The following CXCL1 variants were observed in gnomAD, a reference collection of about 807,000 sequenced individuals.
CXCL1 encodes the protein C-X-C motif chemokine ligand 1, also known as growth-regulated alpha protein.
CXCL1 carries 9 observed loss-of-function variants against 11.7 expected under a neutral mutation model. That is an observed-to-expected ratio of 0.77 (90% CI 0.46 to 1.34). The LOEUF (loss-of-function observed/expected upper bound fraction) is 1.34. Ranked by LOEUF, CXCL1 falls within the 40% of genes most tolerant of loss-of-function variation. CXCL1 has a pLI of 0.00. For synonymous variants in CXCL1, 78 were observed against 59.1 expected (o/e 1.32, Z -1.47); for missense variants, 146 against 138.1 (o/e 1.06, Z -0.29).
Position 73,869,975 on chromosome 4 carries a change from A to G in CXCL1, c.294A>G (p.Glu98=), listed in dbSNP as rs752313297. Residue 98 remains glutamate (E), a synonymous_variant, in exon 3 of 4, where the codon GAA becomes GAG. Transcript: ENST00000395761. ...CCCCCATAGTTAAGAAAATCATCGAAAAGATGCTGAACAGGTGAGTTATGG... is the reference window on the plus strand; with the variant it reads ...CCCCCATAGTTAAGAAAATCATCGAGAAGATGCTGAACAGGTGAGTTATGG... ...PASPIVKKII[E]KMLNSDKSN 6.2e-7 allele frequency: 1 copy of G among 1,614,186 alleles called. No individual in the cohort carries two copies. Among genetic ancestry groups the G allele is most frequent in the South Asian group, 1.1e-5 (1 of 91,080 alleles).
chr4:73,870,192 C>A, intron 3 of CXCL1: 1 of 655,212 alleles, frequency 1.5e-6, no homozygotes, highest in Non-Finnish European at 2.6e-6. Flanking sequence ...GGCGTCCCCA[C>A]CCTGGTTCTT....
In CXCL1 at chr4:73,869,957, A is replaced by G. The variant is rs776106343; in HGVS notation, c.276A>G (p.Ile92Met). The change falls in exon 3 of 4, where the codon ATA (isoleucine) becomes ATG (methionine). Residue 92 changes from isoleucine to methionine, a missense_variant. By Grantham distance (10) the Ile-to-Met change is conservative (BLOSUM62 1). Coordinates refer to ENST00000395761, the MANE Select transcript of CXCL1 (RefSeq NM_001511.4). The part of the protein sequence containing the change: ...RKACLNPASP[I>M]VKKIIEKMLN... ...CTTGCCTCAATCCTGCATCCCCCAT[A>G]GTTAAGAAAATCATCGAAAAGATGC... 7 of 1,614,162 alleles carry G rather than the reference A, an allele frequency of 4.3e-6. No homozygotes were observed. In the East Asian group the frequency reaches 6.7e-5, roughly 15 times the overall value.
rs1054597920 is a variant in CXCL1, at chr4:73,871,226, A to G, written c.*690A>G. On this transcript the variant is annotated 3_prime_UTR_variant, in exon 4 of 4. Coordinates refer to ENST00000395761, the MANE Select transcript of CXCL1 (RefSeq NM_001511.4). ...GTTTTCATAGAGAATATAAAAATAA[A>G]GCACTTATAGAAAAAACTCGTTTGA... 1.3e-5 allele frequency: 2 copies of G among 152,248 alleles called. No homozygotes were observed. Among genetic ancestry groups the G allele is most frequent in the South Asian group, 2.1e-4 (1 of 4,834 alleles). 9.4% of individuals were successfully genotyped at this position (152,248 alleles called of 1,614,324 possible).
rs1257378672 is a variant in CXCL1, at chr4:73,870,663, C to T, written c.*127C>T. On this transcript the variant is annotated 3_prime_UTR_variant, in exon 4 of 4. Coordinates refer to ENST00000395761, the MANE Select transcript of CXCL1 (RefSeq NM_001511.4). ...GATTGTGCCTAATGTGTTTGAGCAT[C>T]GCTTAGGAGAAGTCTTCTATTTATT... 6 of 1,011,152 alleles carry T rather than the reference C, an allele frequency of 5.9e-6. No homozygotes were observed. The South Asian group carries it at 6.3e-5, about 11-fold the overall frequency. 62.6% of individuals were successfully genotyped at this position (1,011,152 alleles called of 1,614,324 possible).
At chr4:73,870,427 A>G (rs4074) in intron 3 of CXCL1, 94 bp from the exon 4 acceptor site, 906,470 of 1,529,930 alleles carry the variant, frequency 0.59, 281,115 homozygotes, top group Non-Finnish European at 0.64. Flanking sequence ...TGCATTCGGA[A>G]AACTCTAGAG....
intron 1 of CXCL1, 39 bp downstream of exon 1, chr4:73,869,609 G>T: frequency 6.8e-6 from 11 of 1,613,262 alleles, no homozygotes; most frequent in Non-Finnish European, 9.3e-6. Flanking sequence ...GCCGGACGCG[G>T]CTGGGGTAGG....
At chr4:73,869,834 C>T (rs1433543110) in intron 2 of CXCL1, 42 bp downstream of exon 2, 1 of 1,613,688 alleles carries the variant, frequency 6.2e-7, no homozygotes, top group East Asian at 2.2e-5. Flanking sequence ...GCCGGGGTCC[C>T]AGACCCTCCT....
intron 1 of CXCL1, 43 bp downstream of exon 1, chr4:73,869,613 G>C (rs1731890801): frequency 1.2e-6 from 2 of 1,613,444 alleles, no homozygotes; most frequent in Non-Finnish European, 1.7e-6. Context: ...GACGCGGCTG[G>C]GGTAGGCACC....
Position 73,869,561 on chromosome 4 carries a change from C to A in CXCL1, c.91C>A (p.Arg31Ser). The A allele has an allele frequency of 6.2e-7, 1 of 1,610,486 alleles. No individual in the cohort carries two copies. Among genetic ancestry groups the A allele is most frequent in the Non-Finnish European group, 8.5e-7 (1 of 1,178,368 alleles). Residue 31 changes from arginine to serine, a missense_variant, in exon 1 of 4, where the codon CGC becomes AGC. Physicochemically the swap from Arg to Ser is moderately radical, Grantham distance 110. Coordinates refer to ENST00000395761, the MANE Select transcript of CXCL1 (RefSeq NM_001511.4). ...LLLLLVAAGR[R>S]AAGASVATEL... is the part of the protein sequence containing the mutation. ...CCTGCTCCTGGTAGCCGCTGGCCGG[C>A]GCGCAGCAGGTGGGTACCGGCGCCC... is the stretch of plus-strand genomic sequence containing the variant.
rs766192146 is a variant in CXCL1, at chr4:73,870,554, G to A, written c.*18G>A. ...CCAACTGACCAGAAGGGAGGAGGAA[G>A]CTCACTGGTGGCTGTTCCTGAAGGA... is the stretch of plus-strand genomic sequence containing the variant. On this transcript the variant is annotated 3_prime_UTR_variant, in exon 4 of 4. Transcript: ENST00000395761. 26 of 1,613,662 alleles carry A rather than the reference G, an allele frequency of 1.6e-5. No homozygotes were observed. The Middle Eastern group carries it at 1.2e-3, about 72-fold the overall frequency.
chr4:73,870,540 G>A lies in CXCL1; in HGVS notation c.*4G>A. The A allele has an allele frequency of 6.2e-7, 1 of 1,613,906 alleles. No homozygotes were observed. Among genetic ancestry groups the A allele is most frequent in the Non-Finnish European group, 8.5e-7 (1 of 1,179,832 alleles). ...TTGCAGTGACAAATCCAACTGACCA[G>A]AAGGGAGGAGGAAGCTCACTGGTGG... On this transcript the variant is annotated 3_prime_UTR_variant, in exon 4 of 4. Transcript: ENST00000395761.
intron 3 of CXCL1, 135 bp from the exon 4 acceptor site, chr4:73,870,386 A>C: frequency 1.0e-6 from 1 of 984,502 alleles, no homozygotes; most frequent in South Asian, 1.5e-5. Context: ...TGTCATAGGC[A>C]GTAGCCACTT....
In CXCL1 at chr4:73,870,829, T is replaced by A. The variant is rs538778784; in HGVS notation, c.*293T>A. 3.6e-6 allele frequency: 1 copy of A among 276,632 alleles called. No individual in the cohort carries two copies. Among genetic ancestry groups the A allele is most frequent in the East Asian group, 6.9e-5 (1 of 14,510 alleles). The allele number at this position is 276,632 out of a possible 1,614,324, so 17.1% of individuals were successfully genotyped here. A position where few individuals can be genotyped will look rare whatever the true frequency, so the allele number is the denominator to read the frequency against. On this transcript the variant is annotated 3_prime_UTR_variant, in exon 4 of 4. Coordinates refer to ENST00000395761, the MANE Select transcript of CXCL1 (RefSeq NM_001511.4). ...AACCCCAAGTTAGTTCAATCTGGATTCATATTTAATTTGAAGGTAGAATGT... is the reference window on the plus strand; with the variant it reads ...AACCCCAAGTTAGTTCAATCTGGATACATATTTAATTTGAAGGTAGAATGT...
At chr4:73,870,477 G>T (rs1196508226) in intron 3 of CXCL1, 44 bp from the exon 4 acceptor site, 1 of 1,613,196 alleles carries the variant, frequency 6.2e-7, no homozygotes, top group Admixed American at 1.7e-5. Context: ...TGTGCAATCA[G>T]CTTTCCCGAG....
In CXCL1 at chr4:73,869,908, C is replaced by G; in HGVS notation, c.227C>G (p.Ala76Gly). Reference sequence around the variant, plus strand: ...ACGAGATTCCCTTCCCTCTGCAGAGCCACACTCAAGAATGGGCGGAAAGCT... The same window carrying G: ...ACGAGATTCCCTTCCCTCTGCAGAGGCACACTCAAGAATGGGCGGAAAGCT... The part of the protein sequence containing the change: ...GPHCAQTEVI[A>G]TLKNGRKACL... Residue 76 changes from alanine to glycine, a missense_variant and splice_region_variant, in exon 3 of 4, where the codon GCC becomes GGC. Coordinates refer to ENST00000395761, the MANE Select transcript of CXCL1 (RefSeq NM_001511.4). The G allele has an allele frequency of 1.2e-6, 2 of 1,614,188 alleles. No individual in the cohort carries two copies. Among genetic ancestry groups the G allele is most frequent in the Non-Finnish European group, 8.5e-7 (1 of 1,180,014 alleles).
intron 3 of CXCL1, 123 bp from the exon 4 acceptor site, chr4:73,870,398 G>T: frequency 7.9e-7 from 1 of 1,269,296 alleles, no homozygotes; most frequent in South Asian, 1.3e-5. Flanking sequence ...TAGCCACTTG[G>T]TTGCCAGGCT....
Position 73,869,466 on chromosome 4 carries a change from G to A in CXCL1, c.-5G>A. 4 of 1,555,472 alleles carry A rather than the reference G, an allele frequency of 2.6e-6. No homozygotes were observed. The highest frequency in any genetic ancestry group is 3.5e-6 in the Non-Finnish European group (4 of 1,151,990). ...CACAGCCGCCAGACCCGCCTGCTGA[G>A]CCCCATGGCCCGCGCTGCTCTCTCC... On this transcript the variant is annotated 5_prime_UTR_variant, in exon 1 of 4. Coordinates refer to ENST00000395761, the MANE Select transcript of CXCL1 (RefSeq NM_001511.4).
chr4:73,870,719 T>C lies in CXCL1; in HGVS notation c.*183T>C. On this transcript the variant is annotated 3_prime_UTR_variant, in exon 4 of 4. Transcript: ENST00000395761. Reference sequence around the variant, plus strand: ...ATTCATTAGTTTTGAAGATTCTATGTTAATATTTTAGGTGTAAAATAATTA... The same window carrying C: ...ATTCATTAGTTTTGAAGATTCTATGCTAATATTTTAGGTGTAAAATAATTA... The C allele has an allele frequency of 1.5e-6, 1 of 649,580 alleles. No individual in the cohort carries two copies. The highest frequency in any genetic ancestry group is 2.6e-6 in the Non-Finnish European group (1 of 391,746). The allele number at this position is 649,580 out of a possible 1,614,324, so 40.2% of individuals were successfully genotyped here.
In CXCL1 at chr4:73,869,756, A is replaced by G. The variant is rs1206059989; in HGVS notation, c.188A>G (p.Lys63Arg). 2 of 1,614,032 alleles carry G rather than the reference A, an allele frequency of 1.2e-6. No homozygotes were observed. The highest frequency in any genetic ancestry group is 8.5e-7 in the Non-Finnish European group (1 of 1,179,984). Residue 63 changes from lysine to arginine, a missense_variant, in exon 2 of 4, where the codon AAG becomes AGG. By Grantham distance (26) the Lys-to-Arg change is conservative. Coordinates refer to ENST00000395761, the MANE Select transcript of CXCL1 (RefSeq NM_001511.4). ...AAGAACATCCAAAGTGTGAACGTGA[A>G]GTCCCCCGGACCCCACTGCGCCCAA... is the stretch of plus-strand genomic sequence containing the variant. ...HPKNIQSVNV[K>R]SPGPHCAQTE...
Sources: gnomAD v4.1 joint callset for allele counts on GRCh38, gnomAD v4.1.1 for gene constraint, MANE v1.5 for transcripts, NCBI Gene and HGNC (gene_info 2026-07-23, HGNC 2026-07-21) for gene names.